The following ZMIZ1 variants were observed in gnomAD, a reference collection of about 807,000 sequenced individuals.
ZMIZ1 encodes the protein zinc finger MIZ domain-containing protein 1.
A neutral mutation model predicts 113.9 loss-of-function variants in ZMIZ1; 17 were observed. That is an observed-to-expected ratio of 0.15 (90% CI 0.10 to 0.22). The LOEUF (loss-of-function observed/expected upper bound fraction) is 0.22. Among genes scored for constraint, ZMIZ1 ranks in the 10% least tolerant of loss-of-function variants. ZMIZ1 has a pLI of 1.00. For synonymous variants in ZMIZ1, 607 were observed against 603.1 expected (o/e 1.01, Z -0.09); for missense variants, 1,059 against 1,477.8 (o/e 0.72, Z 4.65).
chr10:79,108,159 A>G (rs1031991312), intron 1 of ZMIZ1, among the ~76,000 whole-genome samples: 4 of 152,182 alleles, frequency 2.6e-5, no homozygotes, highest in African/African-American at 9.7e-5. Context: ...TGAGATACAG[A>G]TGGTTGTATT....
At chr10:79,297,825 C>A in intron 14 of ZMIZ1, 135 bp downstream of exon 14, 3 of 709,986 alleles carry the variant, frequency 4.2e-6, no homozygotes, top group Non-Finnish European at 7.2e-6. Flanking sequence ...GGTCCCCTGT[C>A]CTGGGGACAG....
chr10:79,311,238 C>A, intron 24 of ZMIZ1, 54 bp downstream of exon 24: 1 of 1,332,686 alleles, frequency 7.5e-7, no homozygotes, highest in Non-Finnish European at 9.9e-7. Flanking sequence ...GCGCCGGGAC[C>A]TGCCCGAGAG....
chr10:79,141,489 C>G (rs754718686), intron 3 of ZMIZ1, among the ~76,000 whole-genome samples: 37 of 151,970 alleles, frequency 2.4e-4, no homozygotes, highest in Non-Finnish European at 4.3e-4. Context: ...GTCACTGTAA[C>G]CTCGACCTCC....
chr10:79,282,431 G>A (rs1271244168), intron 8 of ZMIZ1, among the ~76,000 whole-genome samples: 1 of 152,192 alleles, frequency 6.6e-6, no homozygotes, highest in Non-Finnish European at 1.5e-5. Flanking sequence ...ACAAATGGGA[G>A]AGGATGAGGG....
intron 23 of ZMIZ1, among the ~76,000 whole-genome samples, chr10:79,309,390 G>A (rs11594933): frequency 0.012 from 1,886 of 152,316 alleles, 20 homozygotes; most frequent in Non-Finnish European, 0.019. Context: ...CCCAGGGTGG[G>A]CACTGAGGGC....
In ZMIZ1 at chr10:79,297,459, G is replaced by A. The variant is rs537567872; in HGVS notation, c.1414-154G>A. ...AGAGGCAAAATGCCGTCCCTGAGGTGTAGCTGTCCCGCCCTGCTCACTCAA... is the reference window on the plus strand; with the variant it reads ...AGAGGCAAAATGCCGTCCCTGAGGTATAGCTGTCCCGCCCTGCTCACTCAA... On this transcript the variant is annotated intron_variant, in intron 13 of 24. Coordinates refer to ENST00000334512, the MANE Select transcript of ZMIZ1 (RefSeq NM_020338.4). Among the ~76,000 whole-genome samples the A allele has an allele frequency of 1.1e-4, 16 of 152,322 alleles. 1 individual carries two copies. The East Asian group carries it at 3.1e-3, about 29-fold the overall frequency.
In ZMIZ1 at chr10:79,296,972, A is replaced by T. The variant is rs145087944; in HGVS notation, c.1413+319A>T. On this transcript the variant is annotated intron_variant, in intron 13 of 24. Transcript: ENST00000334512. This position sits in a 1 kb window ranked among gnomAD's most constrained non-coding sequence, Gnocchi z 4.1. ...CATCCCCTGTATATATTAACATTTC[A>T]TTCTAAACTTTGTATGTGCAGGTGG... The T allele has an allele frequency of 7.7e-5, 19 of 247,750 alleles. No homozygotes were observed. Among genetic ancestry groups the T allele is most frequent in the Non-Finnish European group, 1.2e-4 (16 of 131,374 alleles). The allele number at this position is 247,750 out of a possible 1,614,324, so 15.3% of individuals were successfully genotyped here. A position where few individuals can be genotyped will look rare whatever the true frequency, so the allele number is the denominator to read the frequency against.
chr10:79,100,728 G>C (rs889564105), intron 1 of ZMIZ1, among the ~76,000 whole-genome samples: 7 of 152,198 alleles, frequency 4.6e-5, no homozygotes, highest in African/African-American at 1.4e-4. Context: ...TTGCTGGCAG[G>C]GGCCTGGGTA....
rs547799830 is a variant in ZMIZ1, at chr10:79,105,950, G to T, written c.-336-12965G>T. ...CTGTGCCCTTGTAGAAGGAATGAGT[G>T]GGGAGGGGTTGCTGGAGGGACGTTC... On this transcript the variant is annotated intron_variant, in intron 1 of 24. Coordinates refer to ENST00000334512, the MANE Select transcript of ZMIZ1 (RefSeq NM_020338.4). Among the ~76,000 whole-genome samples, 17 of 152,270 alleles carry T rather than the reference G, an allele frequency of 1.1e-4. No homozygotes were observed. The South Asian group carries it at 3.3e-3, about 30-fold the overall frequency.
intron 3 of ZMIZ1, among the ~76,000 whole-genome samples, chr10:79,149,787 C>T (rs990599122): frequency 6.6e-6 from 1 of 152,238 alleles, no homozygotes; most frequent in Admixed American, 6.5e-5. Context: ...GTCTCTTGGG[C>T]ATGACTTCTC....
At position 79,098,261 on chromosome 10, in the gene ZMIZ1, G is replaced by C. The variant is rs571500807; in HGVS notation, c.-336-20654G>C. On this transcript the variant is annotated intron_variant, in intron 1 of 24. Coordinates refer to ENST00000334512, the MANE Select transcript of ZMIZ1 (RefSeq NM_020338.4). ...TGAATCCTGGAGTTTATGCGGGAGT[G>C]AGGACTTTGGCCAGGCCAGGCCCCA... is the stretch of plus-strand genomic sequence containing the variant. 6.6e-5 allele frequency among the ~76,000 whole-genome samples: 10 copies of C among 152,230 alleles called. No homozygotes were observed. In the East Asian group the frequency reaches 1.9e-3, roughly 29 times the overall value.
At position 79,314,666 on chromosome 10, in the gene ZMIZ1, A is replaced by G. The variant is rs1855420557; in HGVS notation, c.*1917A>G. On this transcript the variant is annotated 3_prime_UTR_variant, in exon 25 of 25. Coordinates refer to ENST00000334512, the MANE Select transcript of ZMIZ1 (RefSeq NM_020338.4). ...TTTTAAAATACCTGGACTCAATGACAAAGACCGAGTCTTCTTTTTTTTTAA... is the reference window on the plus strand; with the variant it reads ...TTTTAAAATACCTGGACTCAATGACGAAGACCGAGTCTTCTTTTTTTTTAA... The G allele has an allele frequency of 1.7e-5, 3 of 172,766 alleles. No individual in the cohort carries two copies. In the Admixed American group the frequency reaches 1.8e-4, roughly 10 times the overall value. 10.7% of individuals were successfully genotyped at this position (172,766 alleles called of 1,614,324 possible). A position where few individuals can be genotyped will look rare whatever the true frequency, so the allele number is the denominator to read the frequency against.
chr10:79,203,189 C>A (rs1589419101), intron 5 of ZMIZ1, among the ~76,000 whole-genome samples: 1 of 152,134 alleles, frequency 6.6e-6, no homozygotes, highest in East Asian at 1.9e-4. Context: ...AGGGCCAGGA[C>A]CCAGACGGAG....
chr10:79,184,054 C>G (rs1308498009), intron 4 of ZMIZ1, among the ~76,000 whole-genome samples: 1 of 152,188 alleles, frequency 6.6e-6, no homozygotes, highest in Non-Finnish European at 1.5e-5. Context: ...CCAGCGTTGC[C>G]TCGGTGCCTT....
rs967681302 is a variant in ZMIZ1, at chr10:79,313,760, G to A, written c.*1011G>A. 3.4e-5 allele frequency: 11 copies of A among 327,942 alleles called. No homozygotes were observed. Among genetic ancestry groups the A allele is most frequent in the South Asian group, 2.7e-4 (11 of 40,958 alleles). 20.3% of individuals were successfully genotyped at this position (327,942 alleles called of 1,614,324 possible). A position where few individuals can be genotyped will look rare whatever the true frequency, so the allele number is the denominator to read the frequency against. ...CAAACCATTTCTCTCCGTCTGTTCT[G>A]TTTTTCTCCTAGTCCCTCTCCTGCC... On this transcript the variant is annotated 3_prime_UTR_variant, in exon 25 of 25. Coordinates refer to ENST00000334512, the MANE Select transcript of ZMIZ1 (RefSeq NM_020338.4).
intron 3 of ZMIZ1, among the ~76,000 whole-genome samples, chr10:79,152,816 A>T (rs1321238034): frequency 6.6e-6 from 1 of 152,238 alleles, no homozygotes; most frequent in Non-Finnish European, 1.5e-5. Flanking sequence ...GTCAGCCACC[A>T]TGTTCTTTGA....
chr10:79,297,841 C>G (rs898151894), intron 14 of ZMIZ1, 151 bp downstream of exon 14: 4 of 649,880 alleles, frequency 6.2e-6, no homozygotes, highest in Non-Finnish European at 1.1e-5. Context: ...GACAGAGATG[C>G]TCAGGACTGA....
At chr10:79,221,423 C>A (rs574347287) in intron 7 of ZMIZ1, among the ~76,000 whole-genome samples, 93 of 152,202 alleles carry the variant, frequency 6.1e-4, no homozygotes, top group Non-Finnish European at 1.3e-3. Flanking sequence ...TCAGAGCGCA[C>A]GTGCGCGGGC....
At chr10:79,235,711 A>G (rs919060230) in intron 7 of ZMIZ1, among the ~76,000 whole-genome samples, 22 of 152,198 alleles carry the variant, frequency 1.4e-4, no homozygotes, top group African/African-American at 4.8e-4. Context: ...AGCAGGAGGT[A>G]CCGGGTAGGA....
Sources: gnomAD v4.1 joint callset for allele counts (sites outside exome capture counted in the v4.1 genomes callset) on GRCh38, gnomAD v4.1.1 for gene constraint, Gnocchi (gnomAD v3.1) non-coding constraint, MANE v1.5 for transcripts, NCBI Gene and HGNC (gene_info 2026-07-23, HGNC 2026-07-21) for gene names.